Variants in RNF180 observed in about 807,000 individuals in gnomAD.
RNF180 encodes ring finger protein 180.
Under a neutral mutation model 59.2 loss-of-function variants are expected in RNF180, and 38 were observed. The ratio of observed to expected loss-of-function variants is 0.64; its 90% CI spans 0.50 to 0.84. The LOEUF (loss-of-function observed/expected upper bound fraction) is 0.84, where lower values mean the gene tolerates loss of function less well. RNF180 is among the 40% of genes least tolerant of loss of function. RNF180 has a pLI of 0.00. For synonymous variants in RNF180, 262 were observed against 240.3 expected, an observed-to-expected ratio of 1.09 and a Z score of -0.84; for missense variants, 705 against 700.9, an observed-to-expected ratio of 1.01 and a Z score of -0.07.
At chr5:64,239,295 A>G (rs575482590) in intron 5 of RNF180, among the ~76,000 whole-genome samples, 1 of 152,150 alleles carries the variant, frequency 6.6e-6, no homozygotes, top group Non-Finnish European at 1.5e-5. Context: ...CTGCATGTTA[A>G]TACATTCCCC....
At chr5:64,317,279 A>G (rs757409326) in intron 5 of RNF180, among the ~76,000 whole-genome samples, 2 of 152,142 alleles carry the variant, frequency 1.3e-5, no homozygotes, top group Non-Finnish European at 2.9e-5. Context: ...CAGTGCATAT[A>G]AAAAGTTATG....
intron 2 of RNF180, among the ~76,000 whole-genome samples, chr5:64,207,448 T>C (rs1271134404): frequency 6.6e-6 from 1 of 152,098 alleles, no homozygotes; most frequent in Non-Finnish European, 1.5e-5. Context: ...ATTGCCACTA[T>C]TGGAGTTCAG....
chr5:64,311,366 T>C (rs1030517068), intron 5 of RNF180, among the ~76,000 whole-genome samples: 2 of 151,978 alleles, frequency 1.3e-5, no homozygotes, highest in African/African-American at 4.8e-5. Flanking sequence ...ACTTGCTTTG[T>C]GTCCAGTATG....
intron 5 of RNF180, among the ~76,000 whole-genome samples, chr5:64,225,392 G>C (rs1224387880): frequency 6.7e-6 from 1 of 149,506 alleles, no homozygotes; most frequent in Admixed American, 6.7e-5. Flanking sequence ...AGTGAGGAGC[G>C]CCTCTGCCTG....
At chr5:64,182,044 T>C (rs1750618680) in intron 1 of RNF180, among the ~76,000 whole-genome samples, 1 of 142,416 alleles carries the variant, frequency 7.0e-6, no homozygotes, top group South Asian at 2.3e-4. Context: ...CAGGCTGGAG[T>C]GCAGTGGCAC....
chr5:64,318,455 G>T (rs1444191711), intron 5 of RNF180, among the ~76,000 whole-genome samples: 1 of 152,092 alleles, frequency 6.6e-6, no homozygotes, highest in Non-Finnish European at 1.5e-5. Flanking sequence ...CTTATGAATT[G>T]CTTATTTCTG....
intron 1 of RNF180, among the ~76,000 whole-genome samples, chr5:64,196,884 T>C (rs1751481918): frequency 6.6e-6 from 1 of 152,190 alleles, no homozygotes; most frequent in East Asian, 1.9e-4. Flanking sequence ...GCATTTATGC[T>C]TATATCCCCC....
At chr5:64,192,540 C>T (rs542103002) in intron 1 of RNF180, among the ~76,000 whole-genome samples, 63 of 152,014 alleles carry the variant, frequency 4.1e-4, no homozygotes, top group Admixed American at 1.3e-3. Context: ...GGCGTGGTGG[C>T]GCGTGCCTGT....
At position 64,241,001 on chromosome 5, in the gene RNF180, A is replaced by C. The variant is rs1742774503; in HGVS notation, c.1227+23605A>C. ...AAAGGTGTTTTGGGTTGTATTTACTACTGTACAAATAATAATTCAATGTTA... is the reference window on the plus strand; with the variant it reads ...AAAGGTGTTTTGGGTTGTATTTACTCCTGTACAAATAATAATTCAATGTTA... On this transcript the variant is annotated intron_variant, in intron 5 of 7. Coordinates refer to ENST00000389100, the MANE Select transcript of RNF180 (RefSeq NM_001113561.2). Among the ~76,000 whole-genome samples, 3 of 152,334 alleles carry C rather than the reference A, an allele frequency of 2.0e-5. No homozygotes were observed. In the South Asian group the frequency reaches 6.2e-4, roughly 32 times the overall value.
chr5:64,292,577 G>T (rs977763685), intron 5 of RNF180, among the ~76,000 whole-genome samples: 1 of 152,166 alleles, frequency 6.6e-6, no homozygotes, highest in African/African-American at 2.4e-5. Flanking sequence ...GGATACCTCT[G>T]TTGGGAGGTC....
intron 6 of RNF180, among the ~76,000 whole-genome samples, chr5:64,327,081 A>G (rs187936420): frequency 5.4e-4 from 82 of 152,218 alleles, no homozygotes; most frequent in Admixed American, 2.5e-3. Flanking sequence ...TTTGAAATTT[A>G]CTGGTATATA....
intron 7 of RNF180, among the ~76,000 whole-genome samples, chr5:64,351,101 G>C (rs1361626164): frequency 6.6e-6 from 1 of 151,934 alleles, no homozygotes; most frequent in Non-Finnish European, 1.5e-5. Flanking sequence ...GTGGTTTGTA[G>C]TTCTCCTTGA....
rs953219597 is a variant in RNF180, at chr5:64,371,275, G to A, written c.*1461G>A. 2 of 151,358 alleles carry A rather than the reference G, an allele frequency of 1.3e-5. No homozygotes were observed. The highest frequency in any genetic ancestry group is 2.4e-5 in the African/African-American group (1 of 41,294). The allele number at this position is 151,358 out of a possible 1,614,324, so 9.4% of individuals were successfully genotyped here. A position where few individuals can be genotyped will look rare whatever the true frequency, so the allele number is the denominator to read the frequency against. On this transcript the variant is annotated 3_prime_UTR_variant, in exon 8 of 8. Coordinates refer to ENST00000389100, the MANE Select transcript of RNF180 (RefSeq NM_001113561.2). ...ACAGATAAATTTATACTTATAAATG[G>A]ATATTTATAATTACTAATTGCTCAA...
intron 7 of RNF180, among the ~76,000 whole-genome samples, chr5:64,337,215 G>A (rs185404254): frequency 2.0e-5 from 3 of 152,096 alleles, no homozygotes; most frequent in African/African-American, 7.2e-5. Context: ...TCACTATGTT[G>A]CCTAGGCTGG....
intron 1 of RNF180, 152 bp from the exon 2 acceptor site, chr5:64,200,656 C>A (rs1751695045): frequency 3.4e-6 from 2 of 584,640 alleles, no homozygotes; most frequent in Middle Eastern, 9.4e-4. Context: ...TATAGAGTGC[C>A]CCAAACCTAA....
At chr5:64,303,288 C>T (rs968449028) in intron 5 of RNF180, among the ~76,000 whole-genome samples, 2 of 151,466 alleles carry the variant, frequency 1.3e-5, no homozygotes, top group Non-Finnish European at 3.0e-5. Context: ...AATTAATAAC[C>T]CTACAGTGGT....
chr5:64,349,295 TTTGTTG>T (rs531009887), intron 7 of RNF180, among the ~76,000 whole-genome samples: 43 of 152,154 alleles, frequency 2.8e-4, no homozygotes, highest in African/African-American at 8.7e-4. Flanking sequence ...AAGAAAGGAT[TTTGTTG>T]TTGTTGTTGT....
At chr5:64,270,322 A>C (rs1233812136) in intron 5 of RNF180, among the ~76,000 whole-genome samples, 1 of 152,140 alleles carries the variant, frequency 6.6e-6, no homozygotes, top group African/African-American at 2.4e-5. Context: ...ATTTGACAGT[A>C]ATTTGCTGGA....
At chr5:64,228,518 A>C (rs1741910611) in intron 5 of RNF180, among the ~76,000 whole-genome samples, 1 of 152,222 alleles carries the variant, frequency 6.6e-6, no homozygotes, top group Admixed American at 6.5e-5. Context: ...TGTCTCAAAA[A>C]TAAAATAAAA....
Sources: gnomAD v4.1 joint callset for allele counts (sites outside exome capture counted in the v4.1 genomes callset) on GRCh38, gnomAD v4.1.1 for gene constraint, MANE v1.5 for transcripts, NCBI Gene and HGNC (gene_info 2026-07-23, HGNC 2026-07-21) for gene names.